CNTN3: variants seen among roughly 807,000 people sequenced by gnomAD.
CNTN3 encodes the protein contactin-3.
CNTN3 carries 60 observed loss-of-function variants against 119.1 expected under a neutral mutation model. That is an observed-to-expected ratio of 0.50 (90% CI 0.41 to 0.62). CNTN3 has a LOEUF of 0.62. Among genes scored for constraint, CNTN3 ranks in the 20% least tolerant of loss-of-function variants. The pLI is 0.00. For synonymous variants in CNTN3, 450 were observed against 438.7 expected, an observed-to-expected ratio of 1.03 and a Z score of -0.32; for missense variants, 1,101 against 1,242.4, an observed-to-expected ratio of 0.89 and a Z score of 1.71.
intron 19 of CNTN3, among the ~76,000 whole-genome samples, chr3:74,287,713 C>T (rs1009957318): frequency 6.6e-6 from 1 of 152,070 alleles, no homozygotes; most frequent in African/African-American, 2.4e-5. Context: ...TGTGGCTTCT[C>T]GCTGGGTGTA....
chr3:74,370,133 C>T (rs1704301213), intron 6 of CNTN3, 142 bp from the exon 7 acceptor site: 2 of 503,480 alleles, frequency 4.0e-6, no homozygotes, highest in African/African-American at 4.1e-5. Flanking sequence ...GTCTATGCAG[C>T]TCAGATTCCC....
chr3:74,506,853 A>G (rs1483634587), intron 2 of CNTN3, among the ~76,000 whole-genome samples: 2 of 152,132 alleles, frequency 1.3e-5, no homozygotes, highest in African/African-American at 4.8e-5. Context: ...TGCATTAATC[A>G]ACTCTTTTTA....
At position 74,512,419 on chromosome 3, in the gene CNTN3, G is replaced by T. The variant is rs116332357; in HGVS notation, c.55+8639C>A. ...AAGGTAGTAACTTCAAAAAGAGGGG[G>T]AAAAGGGGGAATCAGTATAATGCCC... is the stretch of plus-strand genomic sequence containing the variant. On this transcript the variant is annotated intron_variant, in intron 2 of 22. Transcript: ENST00000263665. Among the ~76,000 whole-genome samples the T allele has an allele frequency of 2.9e-3, 443 of 152,096 alleles. 2 individuals are homozygous for T. Among genetic ancestry groups the T allele is most frequent in the African/African-American group, 0.01 (421 of 41,488 alleles).
intron 2 of CNTN3, among the ~76,000 whole-genome samples, chr3:74,507,050 C>T (rs1703274268): frequency 6.6e-6 from 1 of 152,030 alleles, no homozygotes; most frequent in South Asian, 2.1e-4. Context: ...AGTTCAAGGT[C>T]ACTGTTTCTA....
chr3:74,366,778 G>GTA (rs1485995990), intron 8 of CNTN3, among the ~76,000 whole-genome samples: 525 of 40,886 alleles, frequency 0.013, 9 homozygotes, highest in African/African-American at 0.051. Flanking sequence ...GTGTGTGTGT[G>GTA]TGTATATATA....
chr3:74,455,639 T>A (rs1041659874), intron 4 of CNTN3, among the ~76,000 whole-genome samples: 3 of 152,100 alleles, frequency 2.0e-5, no homozygotes, highest in African/African-American at 7.2e-5. Flanking sequence ...TTTTATCTAC[T>A]TTTGGTCTTT....
intron 5 of CNTN3, among the ~76,000 whole-genome samples, chr3:74,420,661 G>A (rs565709935): frequency 6.6e-6 from 1 of 152,298 alleles, no homozygotes; most frequent in South Asian, 2.1e-4. Flanking sequence ...TTTTGGCTTA[G>A]GACAGTGTCA....
intron 5 of CNTN3, among the ~76,000 whole-genome samples, chr3:74,387,656 G>A (rs1205925552): frequency 6.6e-6 from 1 of 152,154 alleles, no homozygotes; most frequent in African/African-American, 2.4e-5. Context: ...TTCCAAATGG[G>A]AATAATTATT....
At chr3:74,455,722 C>CAGG in intron 4 of CNTN3, among the ~76,000 whole-genome samples, 1 of 152,086 alleles carries the variant, frequency 6.6e-6, no homozygotes, top group Non-Finnish European at 1.5e-5. Context: ...TTCTAACAGA[C>CAGG]AGGACTCTCA....
intron 1 of CNTN3, among the ~76,000 whole-genome samples, chr3:74,577,746 C>T (rs778220922): frequency 6.6e-6 from 1 of 151,922 alleles, no homozygotes; most frequent in Non-Finnish European, 1.5e-5. Flanking sequence ...CACATACTAA[C>T]ATTAATTTTA....
chr3:74,607,198 A>T (rs992843201), intron 1 of CNTN3, among the ~76,000 whole-genome samples: 1 of 152,152 alleles, frequency 6.6e-6, no homozygotes, highest in East Asian at 1.9e-4. Flanking sequence ...CTTTGGTACA[A>T]ATATGCCTTA....
intron 4 of CNTN3, among the ~76,000 whole-genome samples, chr3:74,468,388 C>T (rs558754229): frequency 6.6e-6 from 1 of 151,984 alleles, no homozygotes; most frequent in Non-Finnish European, 1.5e-5. Context: ...AAATGAAATA[C>T]AATTTAAAAA....
chr3:74,587,897 C>T (rs954134138), intron 1 of CNTN3, among the ~76,000 whole-genome samples: 6 of 152,210 alleles, frequency 3.9e-5, no homozygotes, highest in East Asian at 1.9e-4. Context: ...ATGCTTCCAG[C>T]TTTTGCCCAT....
intron 1 of CNTN3, among the ~76,000 whole-genome samples, chr3:74,559,147 C>T (rs1305460361): frequency 6.6e-6 from 1 of 151,998 alleles, no homozygotes; most frequent in Admixed American, 6.6e-5. Context: ...CTGAAAGGGC[C>T]TAAACCCCAG....
chr3:74,311,412 A>C (rs536560996), intron 13 of CNTN3, among the ~76,000 whole-genome samples: 2 of 152,352 alleles, frequency 1.3e-5, no homozygotes, highest in Admixed American at 6.5e-5. Flanking sequence ...TAAGAAAAAA[A>C]AGGTTTATAA....
intron 4 of CNTN3, among the ~76,000 whole-genome samples, chr3:74,433,072 A>G (rs1701811075): frequency 6.6e-6 from 1 of 152,154 alleles, no homozygotes; most frequent in Non-Finnish European, 1.5e-5. Context: ...GGAAAATTCA[A>G]CATCTGGGTA....
At chr3:74,609,096 C>T (rs1351768706) in intron 1 of CNTN3, among the ~76,000 whole-genome samples, 1 of 152,110 alleles carries the variant, frequency 6.6e-6, no homozygotes, top group African/African-American at 2.4e-5. Context: ...GTGTTCCAAG[C>T]ACATGCAAGA....
intron 1 of CNTN3, among the ~76,000 whole-genome samples, chr3:74,545,510 T>C (rs185971553): frequency 3.9e-5 from 6 of 152,348 alleles, no homozygotes; most frequent in Admixed American, 3.9e-4. Flanking sequence ...ATCTGTCTAT[T>C]CACAGACATC....
chr3:74,585,525 C>T (rs1477723910), intron 1 of CNTN3, among the ~76,000 whole-genome samples: 9 of 151,988 alleles, frequency 5.9e-5, no homozygotes, highest in African/African-American at 2.2e-4. Context: ...AAGTGACCAT[C>T]CTATATAGTA....
Sources: gnomAD v4.1 joint callset for allele counts (sites outside exome capture counted in the v4.1 genomes callset) on GRCh38, gnomAD v4.1.1 for gene constraint, MANE v1.5 for transcripts, NCBI Gene and HGNC (gene_info 2026-07-23, HGNC 2026-07-21) for gene names.